TUG1: variants seen among roughly 807,000 people sequenced by gnomAD.
The protein encoded by TUG1 is taurine up-regulated 1, also known as taurine upregulated gene 1.
exon 1 of TUG1, chr22:30,969,449 C>T (rs2041197642): frequency 6.6e-6 from 1 of 152,328 alleles, no homozygotes; most frequent in African/African-American, 2.4e-5. Flanking sequence ...TTCTCCTGCT[C>T]TGGCATCCAG....
At chr22:30,975,182 G>C (rs968248012) in exon 3 of TUG1, 11 of 152,184 alleles carry the variant, frequency 7.2e-5, no homozygotes, top group African/African-American at 2.7e-4. Flanking sequence ...TTTTGTGACC[G>C]ACTTATTCTT....
At chr22:30,976,462 G>A (rs752572453) in exon 3 of TUG1, 13 of 152,188 alleles carry the variant, frequency 8.5e-5, no homozygotes, top group Non-Finnish European at 1.5e-4. Flanking sequence ...TATGAAGACT[G>A]CAGCTAAGGA....
At chr22:30,979,067 T>A (rs893958201) in exon 3 of TUG1, 3 of 151,880 alleles carry the variant, frequency 2.0e-5, no homozygotes, top group Non-Finnish European at 4.4e-5. Context: ...AACCTAAATG[T>A]CTGTCATTAA....
chr22:30,975,097 A>G (rs969367449), intron 2 of TUG1, 73 bp from the exon 3 acceptor site: 2 of 152,256 alleles, frequency 1.3e-5, no homozygotes, highest in African/African-American at 4.8e-5. Flanking sequence ...GGGAAAGAAT[A>G]GGAAAACACC....
exon 1 of TUG1, chr22:30,971,389 AAGG>A (rs2041228639): frequency 6.6e-6 from 1 of 152,616 alleles, no homozygotes; most frequent in South Asian, 2.1e-4. Flanking sequence ...CCTCAGCAGA[AAGG>A]AGGGAAAAAA....
exon 3 of TUG1, chr22:30,976,939 G>C (rs534799519): frequency 6.6e-6 from 1 of 152,134 alleles, no homozygotes. Context: ...TAGCCTCCTT[G>C]TATATACAAC....
At chr22:30,978,270 A>G (rs2041312335) in exon 3 of TUG1, 1 of 152,230 alleles carries the variant, frequency 6.6e-6, no homozygotes, top group East Asian at 1.9e-4. Context: ...GGACATGATT[A>G]TTATTCCATT....
chr22:30,976,825 C>G (rs1172116913), exon 3 of TUG1: 2 of 152,210 alleles, frequency 1.3e-5, no homozygotes, highest in Non-Finnish European at 2.9e-5. Context: ...TTGTCTCTCT[C>G]TAGGCCAATT....
At chr22:30,973,267 C>G (rs932358187) in exon 2 of TUG1, 2 of 152,194 alleles carry the variant, frequency 1.3e-5, no homozygotes, top group Non-Finnish European at 2.9e-5. Flanking sequence ...AAGGCAACAT[C>G]TTTTTGAGAG....
At chr22:30,972,720 C>G (rs774912351) in intron 1 of TUG1, 135 bp from the exon 2 acceptor site, 3 of 152,756 alleles carry the variant, frequency 2.0e-5, no homozygotes, top group Non-Finnish European at 4.4e-5. Flanking sequence ...TATCATTTGT[C>G]TTTGCCTAAG....
exon 3 of TUG1, chr22:30,977,657 TG>T (rs2041304246): frequency 1.3e-5 from 2 of 152,222 alleles, no homozygotes. Context: ...TTGGTATGGC[TG>T]GCCTTTCTGA....
exon 3 of TUG1, chr22:30,978,485 C>G (rs977159309): frequency 2.6e-5 from 4 of 152,132 alleles, no homozygotes; most frequent in African/African-American, 9.7e-5. Context: ...GTAACAACTC[C>G]CTGATGTTTC....
chr22:30,975,106 C>T (rs1447030715), intron 2 of TUG1, 64 bp from the exon 3 acceptor site: 1 of 152,196 alleles, frequency 6.6e-6, no homozygotes, highest in Non-Finnish European at 1.5e-5. Flanking sequence ...TAGGAAAACA[C>T]CTTGGTTTAC....
At chr22:30,979,270 T>C (rs1354309339) in exon 3 of TUG1, 1 of 152,242 alleles carries the variant, frequency 6.6e-6, no homozygotes, top group East Asian at 1.9e-4. Context: ...AAAGGTCTAT[T>C]CACAGCTTTC....
intron 1 of TUG1, chr22:30,972,046 A>G (rs1383136428): frequency 1.3e-5 from 2 of 152,250 alleles, no homozygotes; most frequent in African/African-American, 2.4e-5. Flanking sequence ...CTGTCTTTGC[A>G]GATAGCAGAC....
chr22:30,971,033 C>CAACCAACACTATA (rs1455760925), exon 1 of TUG1: 1 of 152,094 alleles, frequency 6.6e-6, no homozygotes, highest in Admixed American at 6.5e-5. Context: ...CTGCTTTTAT[C>CAACCAACACTATA]AAATTTCAGG....
At chr22:30,972,933 C>CT (rs146415393) in exon 2 of TUG1, 4,120 of 153,586 alleles carry the variant, frequency 0.027, 183 homozygotes, top group African/African-American at 0.092. Context: ...GCCTACAGAC[C>CT]TGGTACCTGG....
chr22:30,974,696 A>G (rs1186808726), intron 2 of TUG1: 1 of 152,218 alleles, frequency 6.6e-6, no homozygotes, highest in East Asian at 1.9e-4. Context: ...GGAATGGAAG[A>G]AAGTTAATTC....
chr22:30,978,957 G>C (rs2041319049), exon 3 of TUG1: 2 of 152,168 alleles, frequency 1.3e-5, no homozygotes, highest in Non-Finnish European at 2.9e-5. Flanking sequence ...CATGGTCACT[G>C]AAATTACTTT....
Sources: allele counts gnomAD v4.1 joint callset, GRCh38; gene constraint gnomAD v4.1.1; transcripts MANE v1.5; gene names NCBI Gene and HGNC (gene_info 2026-07-23, HGNC 2026-07-21).